TENM2: variants seen among roughly 807,000 people sequenced by gnomAD.
TENM2 encodes teneurin transmembrane protein 2, also known as teneurin-2.
Under a neutral mutation model 245.2 loss-of-function variants are expected in TENM2, and 52 were observed. That is an observed-to-expected ratio of 0.21 (90% CI 0.17 to 0.27). The LOEUF (loss-of-function observed/expected upper bound fraction) is 0.27. Ranked by LOEUF, TENM2 falls within the 10% of genes least tolerant of loss-of-function variation. The pLI is 1.00. For missense variants in TENM2, 3,046 were observed against 3,666.8 expected (o/e 0.83, Z 4.37); for synonymous variants, 1,363 against 1,438.9 (o/e 0.95, Z 1.19).
chr5:168,065,854 G>GTTTTTTTTTT (rs546874434), intron 7 of TENM2, among the ~76,000 whole-genome samples: 9 of 144,140 alleles, frequency 6.2e-5, no homozygotes, highest in Non-Finnish European at 6.1e-5. Flanking sequence ...AAGAACAAAG[G>GTTTTTTTTTT]TTTTTTTTTT....
At chr5:167,747,234 A>G (rs1051002627) in intron 2 of TENM2, among the ~76,000 whole-genome samples, 2 of 152,142 alleles carry the variant, frequency 1.3e-5, no homozygotes, top group Non-Finnish European at 2.9e-5. Context: ...GGCAAGTGAT[A>G]TATCCTGGTG....
intron 2 of TENM2, among the ~76,000 whole-genome samples, chr5:167,612,795 A>G (rs11738927): frequency 0.53 from 80,577 of 151,954 alleles, 24,579 homozygotes; most frequent in Middle Eastern, 0.7. Flanking sequence ...ACATGAGACC[A>G]TCAAATGACA....
intron 2 of TENM2, among the ~76,000 whole-genome samples, chr5:167,741,674 G>A (rs1386082788): frequency 6.6e-6 from 1 of 152,026 alleles, no homozygotes; most frequent in Non-Finnish European, 1.5e-5. Context: ...GTTACTTCTG[G>A]TTCAGCGACT....
the TENM2 span, among the ~76,000 whole-genome samples, chr5:167,203,585 A>G: frequency 6.6e-6 from 1 of 152,174 alleles, no homozygotes; most frequent in African/African-American, 2.4e-5. Context: ...GGAAGGAGGC[A>G]AAGTCCTCTG....
At chr5:166,981,495 T>A in the TENM2 span, among the ~76,000 whole-genome samples, 1 of 152,134 alleles carries the variant, frequency 6.6e-6, no homozygotes, top group African/African-American at 2.4e-5. Context: ...GTTCCCTCCT[T>A]CTAGGACCCA....
At chr5:167,002,671 A>C in the TENM2 span, among the ~76,000 whole-genome samples, 1 of 151,970 alleles carries the variant, frequency 6.6e-6, no homozygotes, top group East Asian at 1.9e-4. Flanking sequence ...AAAAACAAAA[A>C]AAAAACAGCC....
intron 20 of TENM2, among the ~76,000 whole-genome samples, chr5:168,213,080 G>C (rs2152556772): frequency 6.6e-6 from 1 of 152,338 alleles, no homozygotes; most frequent in South Asian, 2.1e-4. Flanking sequence ...GTAACAGAGT[G>C]CAGCATCTAA....
At chr5:167,494,008 A>G (rs1768616865) in intron 2 of TENM2, among the ~76,000 whole-genome samples, 1 of 152,122 alleles carries the variant, frequency 6.6e-6, no homozygotes, top group African/African-American at 2.4e-5. Context: ...CAATTTCCAG[A>G]TGGAATCATT....
chr5:167,854,714 A>G (rs1185655187), intron 2 of TENM2, among the ~76,000 whole-genome samples: 1 of 152,204 alleles, frequency 6.6e-6, no homozygotes, highest in Admixed American at 6.5e-5. Flanking sequence ...AAGCAAGCAC[A>G]TTGCATATAT....
At chr5:168,036,649 T>A (rs1181863933) in intron 5 of TENM2, among the ~76,000 whole-genome samples, 1,742 of 130,800 alleles carry the variant, frequency 0.013, 71 homozygotes, top group African/African-American at 0.042. Context: ...AAAAAATATA[T>A]ATATATATAT....
intron 2 of TENM2, among the ~76,000 whole-genome samples, chr5:167,654,632 G>A (rs1309753246): frequency 6.6e-6 from 1 of 150,714 alleles, no homozygotes; most frequent in East Asian, 1.9e-4. Context: ...GAGTCATCTA[G>A]CATTATGCAG....
chr5:167,097,588 C>A, the TENM2 span, among the ~76,000 whole-genome samples: 9 of 152,200 alleles, frequency 5.9e-5, no homozygotes, highest in East Asian at 1.7e-3. Context: ...TAATTAAAAT[C>A]GGATGTTTGT....
intron 1 of TENM2, among the ~76,000 whole-genome samples, chr5:167,323,448 G>A (rs531981231): frequency 6.6e-6 from 1 of 152,210 alleles, no homozygotes; most frequent in African/African-American, 2.4e-5. Context: ...GTGTATATAT[G>A]TATGTGGATA....
At chr5:167,341,707 T>C (rs747502425) in intron 1 of TENM2, among the ~76,000 whole-genome samples, 1 of 151,630 alleles carries the variant, frequency 6.6e-6, no homozygotes, top group Non-Finnish European at 1.5e-5. Flanking sequence ...ATATATTTTA[T>C]ATAGAATATA....
intron 2 of TENM2, among the ~76,000 whole-genome samples, chr5:167,403,300 A>C (rs187845412): frequency 4.4e-5 from 6 of 135,882 alleles, no homozygotes; most frequent in Middle Eastern, 3.8e-3. Context: ...AATGTCTGCC[A>C]CCCTTGATTT....
At chr5:168,212,245 G>A (rs1050495687) in intron 20 of TENM2, among the ~76,000 whole-genome samples, 1 of 151,820 alleles carries the variant, frequency 6.6e-6, no homozygotes, top group South Asian at 2.1e-4. Context: ...ACAGTCAGAT[G>A]CATTGAGAAT....
At chr5:167,960,630 G>T (rs982802791) in intron 4 of TENM2, among the ~76,000 whole-genome samples, 2 of 151,830 alleles carry the variant, frequency 1.3e-5, no homozygotes, top group African/African-American at 4.8e-5. Context: ...TTAGCTTGCT[G>T]GGCTCCATGG....
At chr5:167,732,579 G>A (rs1169441764) in intron 2 of TENM2, among the ~76,000 whole-genome samples, 2 of 152,166 alleles carry the variant, frequency 1.3e-5, no homozygotes, top group Non-Finnish European at 2.9e-5. Context: ...TGAGATGTTG[G>A]TCAGAGCCAC....
At chr5:167,333,277 T>A (rs987320626) in intron 1 of TENM2, among the ~76,000 whole-genome samples, 2 of 152,168 alleles carry the variant, frequency 1.3e-5, no homozygotes, top group African/African-American at 4.8e-5. Context: ...GCCTCACGCC[T>A]TTCTTTCTGT....
Sources: gnomAD v4.1 joint callset for allele counts (sites outside exome capture counted in the v4.1 genomes callset) on GRCh38, gnomAD v4.1.1 for gene constraint, MANE v1.5 for transcripts, NCBI Gene and HGNC (gene_info 2026-07-23, HGNC 2026-07-21) for gene names.